PTPRS: variants seen among roughly 807,000 people sequenced by gnomAD.
PTPRS encodes protein tyrosine phosphatase receptor type S.
Under a neutral mutation model 215.3 loss-of-function variants are expected in PTPRS, and 63 were observed. The observed-to-expected ratio is 0.29, with a 90% CI of 0.24 to 0.36. The LOEUF (loss-of-function observed/expected upper bound fraction) is 0.36. Ranked by LOEUF, PTPRS falls within the 10% of genes least tolerant of loss-of-function variation. The probability of loss-of-function intolerance (pLI) is 1.00; values close to 1 mark genes in which losing one functional copy is unlikely to be tolerated. For missense variants in PTPRS, 2,258 were observed against 2,825.8 expected (o/e 0.80, Z 4.56); for synonymous variants, 1,404 against 1,191.4 (o/e 1.18, Z -3.68).
At chr19:5,289,343 TC>T (rs1263349373) in intron 1 of PTPRS, among the ~76,000 whole-genome samples, 1 of 152,182 alleles carries the variant, frequency 6.6e-6, no homozygotes, top group Non-Finnish European at 1.5e-5. Flanking sequence ...AGCCCCATTG[TC>T]ACCGACCTGG....
intron 1 of PTPRS, among the ~76,000 whole-genome samples, chr19:5,335,740 G>A (rs772513328): frequency 1.5e-4 from 23 of 152,180 alleles, no homozygotes; most frequent in Non-Finnish European, 3.2e-4. Context: ...GGGGACCGGA[G>A]GAGGGAGTCC....
In PTPRS at chr19:5,231,179, C is replaced by T; in HGVS notation, c.2155+131G>A. 4 of 1,016,088 alleles carry T rather than the reference C, an allele frequency of 3.9e-6. No individual in the cohort carries two copies. In the South Asian group the frequency reaches 6.8e-5, roughly 17 times the overall value. 62.9% of individuals were successfully genotyped at this position (1,016,088 alleles called of 1,614,324 possible). ...AGCCCCGGATTTCTCGGGGAGGCTG[C>T]TTGCTTCCCGACTTCCTCCGAGTGA... On this transcript the variant is annotated intron_variant, in intron 14 of 37. Transcript: ENST00000262963.
chr19:5,267,997 G>A (rs941840776), intron 4 of PTPRS, among the ~76,000 whole-genome samples: 5 of 152,152 alleles, frequency 3.3e-5, no homozygotes, highest in East Asian at 1.9e-4. Context: ...GTGAAACCCC[G>A]TCTCTACTAA....
rs946180785 is a variant in PTPRS, at chr19:5,238,933, C to T, written c.1835G>A (p.Arg612His). 1.1e-5 allele frequency: 17 copies of T among 1,606,922 alleles called. No homozygotes were observed. Among genetic ancestry groups the T allele is most frequent in the East Asian group, 2.2e-5 (1 of 44,462 alleles). ...GAGACACCTACTGGACTGCAGCGTGCGCTGCCGCACCACGGGGGTGAAGGC... is the reference window on the plus strand; with the variant it reads ...GAGACACCTACTGGACTGCAGCGTGTGCTGCCGCACCACGGGGGTGAAGGC... ...LGAFTPVVRQRTLQSKPSAPP... is the reference protein window; with the variant it reads ...LGAFTPVVRQHTLQSKPSAPP... The change falls in exon 13 of 38, where the codon CGC (arginine) becomes CAC (histidine). Residue 612 changes from arginine (R) to histidine (H), a missense_variant. By Grantham distance (29) the Arg-to-His change is conservative (BLOSUM62 0). Transcript: ENST00000262963.
chr19:5,249,327 T>TAAATAAAC lies in PTPRS; in HGVS notation c.719-3283_719-3282insGTTTATTT, dbSNP rs1555778884. 1.1e-4 allele frequency among the ~76,000 whole-genome samples: 17 copies of TAAATAAAC among 152,008 alleles called. 2 individuals carry two copies. The highest frequency in any genetic ancestry group is 4.6e-4 in the Admixed American group (7 of 15,270). ...CTCCATCTCCAAATAAATAAATAAA[T>TAAATAAAC]AAACAAACAAACAAACAAACGAAAT... On this transcript the variant is annotated intron_variant, in intron 9 of 37. Coordinates refer to ENST00000262963, the MANE Select transcript of PTPRS (RefSeq NM_002850.4).
At position 5,212,429 on chromosome 19, in the gene PTPRS, G is replaced by A. The variant is rs377071281; in HGVS notation, c.4677C>T (p.Gly1559=). The A allele has an allele frequency of 4.6e-5, 73 of 1,600,968 alleles. No individual in the cohort carries two copies. The South Asian group carries it at 5.0e-4, about 11-fold the overall frequency. Residue 1559 remains glycine, a synonymous_variant, in exon 31 of 38, where the codon GGC becomes GGT. Coordinates refer to ENST00000262963, the MANE Select transcript of PTPRS (RefSeq NM_002850.4). ...GGAAGGGCGTTGGGTATTCGGGCAC[G>A]CCATGGTCCGGCCACGCCGTAAACT... ...QFQFTAWPDH[G]VPEYPTPFLA...
At chr19:5,259,865 A>G (rs1599754856) in intron 7 of PTPRS, among the ~76,000 whole-genome samples, 1 of 152,302 alleles carries the variant, frequency 6.6e-6, no homozygotes, top group African/African-American at 2.4e-5. Context: ...CCCATAGAGC[A>G]CTGCCTATTC....
Position 5,289,015 on chromosome 19 carries a change from G to A in PTPRS, c.-94-2781C>T, listed in dbSNP as rs550992760. On this transcript the variant is annotated intron_variant, in intron 1 of 37. Coordinates refer to ENST00000262963, the MANE Select transcript of PTPRS (RefSeq NM_002850.4). ...CAGGGACGAGGGGCTACAGTAACAG[G>A]AGCATTTGGGGCATTGGATGATGTA... Among the ~76,000 whole-genome samples the A allele has an allele frequency of 2.8e-4, 43 of 151,206 alleles. No individual in the cohort carries two copies. In the South Asian group the frequency reaches 8.9e-3, roughly 31 times the overall value.
At chr19:5,273,280 C>A (rs761619387) in intron 4 of PTPRS, 162 bp downstream of exon 4, 4 of 894,016 alleles carry the variant, frequency 4.5e-6, no homozygotes, top group Non-Finnish European at 7.2e-6. Context: ...CACCAGTAGG[C>A]GCTGGGCCCT....
intron 4 of PTPRS, chr19:5,273,059 T>G: frequency 3.5e-6 from 1 of 283,220 alleles, no homozygotes; most frequent in South Asian, 3.8e-5. Flanking sequence ...GAGAGTGAGC[T>G]CTGAGAAAAT....
chr19:5,271,455 T>C (rs1380680279), intron 4 of PTPRS, among the ~76,000 whole-genome samples: 1 of 150,970 alleles, frequency 6.6e-6, no homozygotes, highest in East Asian at 1.9e-4. Context: ...TGGAGTGCGA[T>C]GGCGTGATCT....
chr19:5,297,942 A>G (rs2049189547), intron 1 of PTPRS, among the ~76,000 whole-genome samples: 1 of 151,640 alleles, frequency 6.6e-6, no homozygotes, highest in Non-Finnish European at 1.5e-5. Flanking sequence ...ACAGGCGCAC[A>G]CCACCACGCC....
intron 1 of PTPRS, among the ~76,000 whole-genome samples, chr19:5,332,473 G>A (rs369406045): frequency 6.6e-5 from 10 of 152,228 alleles, no homozygotes; most frequent in African/African-American, 2.2e-4. Flanking sequence ...GCTTTTCCTT[G>A]GAAAAACCAA....
At chr19:5,290,337 T>C (rs560162938) in intron 1 of PTPRS, among the ~76,000 whole-genome samples, 2 of 152,192 alleles carry the variant, frequency 1.3e-5, no homozygotes, top group African/African-American at 2.4e-5. Context: ...TGTGACTGTG[T>C]CTTTCTCTGG....
chr19:5,236,117 C>G (rs559304385), intron 13 of PTPRS, among the ~76,000 whole-genome samples: 41 of 152,322 alleles, frequency 2.7e-4, no homozygotes, highest in Non-Finnish European at 4.9e-4. Flanking sequence ...GTGGGGAAAC[C>G]AGATTCCAAA....
chr19:5,297,744 C>T (rs915582809), intron 1 of PTPRS, among the ~76,000 whole-genome samples: 2 of 151,594 alleles, frequency 1.3e-5, no homozygotes, highest in African/African-American at 4.8e-5. Flanking sequence ...ACAGCAAATA[C>T]GATGGCCCTG....
At chr19:5,249,056 A>T (rs1473909250) in intron 9 of PTPRS, among the ~76,000 whole-genome samples, 2 of 152,246 alleles carry the variant, frequency 1.3e-5, no homozygotes, top group Non-Finnish European at 2.9e-5. Context: ...CATGCCTGTG[A>T]TCCCAGCACT....
At chr19:5,310,306 C>CTT (rs1229834611) in intron 1 of PTPRS, among the ~76,000 whole-genome samples, 1 of 149,172 alleles carries the variant, frequency 6.7e-6, no homozygotes, top group East Asian at 2.0e-4. Context: ...ATTCCTCTAG[C>CTT]TTTTTTCTTT....
At position 5,214,805 on chromosome 19, in the gene PTPRS, C is replaced by T. The variant is rs148122056; in HGVS notation, c.4319-69G>A. The T allele has an allele frequency of 1.1e-5, 17 of 1,482,080 alleles. No individual in the cohort carries two copies. The African/African-American group carries it at 2.1e-4, about 18-fold the overall frequency. The allele number at this position is 1,482,080 out of a possible 1,614,324, so 91.8% of individuals were successfully genotyped here. On this transcript the variant is annotated intron_variant, in intron 28 of 37. Coordinates refer to ENST00000262963, the MANE Select transcript of PTPRS (RefSeq NM_002850.4). ...GCTAGTTTGGCTCTGTGTGGCCAAC[C>T]ACTTCCTGGAAGTTCACTCTGACCG...
Sources: allele counts gnomAD v4.1 joint callset (sites outside exome capture counted in the v4.1 genomes callset), GRCh38; gene constraint gnomAD v4.1.1; transcripts MANE v1.5; gene names NCBI Gene and HGNC (gene_info 2026-07-23, HGNC 2026-07-21).